TRAM1: variants seen among roughly 807,000 people sequenced by gnomAD.
The protein encoded by TRAM1 is translocating chain-associated membrane protein 1.
TRAM1 carries 17 observed loss-of-function variants against 48.7 expected under a neutral mutation model. The ratio of observed to expected loss-of-function variants is 0.35; its 90% CI spans 0.24 to 0.52. The LOEUF (loss-of-function observed/expected upper bound fraction) is 0.52, where lower values mean the gene tolerates loss of function less well. Among genes scored for constraint, TRAM1 ranks in the 20% least tolerant of loss-of-function variants. The probability of loss-of-function intolerance (pLI) is 0.94; values close to 1 mark genes in which losing one functional copy is unlikely to be tolerated. For synonymous variants in TRAM1, 182 were observed against 154.0 expected (o/e 1.18, Z -1.34); for missense variants, 351 against 441.5 (o/e 0.79, Z 1.84).
At chr8:70,579,379 T>G (rs1203641052) in intron 10 of TRAM1, among the ~76,000 whole-genome samples, 1 of 152,206 alleles carries the variant, frequency 6.6e-6, no homozygotes, top group East Asian at 1.9e-4. Flanking sequence ...ACCAGTGTCA[T>G]AAATGAGTCA....
In TRAM1 at chr8:70,573,625, CTT is replaced by C. The variant is rs1816868495; in HGVS notation, c.*1305_*1306del. The C allele has an allele frequency of 6.6e-6, 1 of 152,532 alleles. No homozygotes were observed. Among genetic ancestry groups the C allele is most frequent in the African/African-American group, 2.4e-5 (1 of 41,414 alleles). The allele number at this position is 152,532 out of a possible 1,614,324, so 9.4% of individuals were successfully genotyped here. A position where few individuals can be genotyped will look rare whatever the true frequency, so the allele number is the denominator to read the frequency against. On this transcript the variant is annotated 3_prime_UTR_variant, in exon 11 of 11. Transcript: ENST00000262213. ...GGACAATTTCCTAGCAGCATGGCAACTTAAACTGCAGATCTAATAGGTCTGCA... is the reference window on the plus strand; with the variant it reads ...GGACAATTTCCTAGCAGCATGGCAACAAACTGCAGATCTAATAGGTCTGCA...
chr8:70,577,570 T>G (rs1217907373), intron 10 of TRAM1, among the ~76,000 whole-genome samples: 1 of 152,220 alleles, frequency 6.6e-6, no homozygotes, highest in Non-Finnish European at 1.5e-5. Context: ...CTCTCTGCCT[T>G]GCTCACCCTC....
intron 1 of TRAM1, among the ~76,000 whole-genome samples, chr8:70,603,374 G>A (rs1468993540): frequency 6.6e-6 from 1 of 151,584 alleles, no homozygotes. Flanking sequence ...CCTGTTTCCA[G>A]TTTGTAATAT....
chr8:70,589,405 GTAT>G, intron 6 of TRAM1, among the ~76,000 whole-genome samples: 2 of 152,162 alleles, frequency 1.3e-5, no homozygotes, highest in Non-Finnish European at 2.9e-5. Context: ...AGCTCACTTA[GTAT>G]TATCAATGCA....
rs1232605970 is a variant in TRAM1 at position 70,598,692 on chromosome 8, T to G, written c.188-437A>C. ...GATGAAAAAGCTGATTTGACCTGTA[T>G]TTGATTTAGTTTTGATCTATAAGCA... On this transcript the variant is annotated intron_variant, in intron 2 of 10. Transcript: ENST00000262213. Among the ~76,000 whole-genome samples, 4 of 152,344 alleles carry G rather than the reference T, an allele frequency of 2.6e-5. No individual in the cohort carries two copies. In the East Asian group the frequency reaches 7.7e-4, roughly 29 times the overall value.
In TRAM1 at chr8:70,608,406, G is replaced by A. The variant is rs1817806719; in HGVS notation, c.-207C>T. ...AAAACACAACAGCTAGCCCGCAGCG[G>A]GGGCGAGCATGCGCACCAGGGAGAC... On this transcript the variant is annotated 5_prime_UTR_variant, in exon 1 of 11. Coordinates refer to ENST00000262213, the MANE Select transcript of TRAM1 (RefSeq NM_014294.6). 4.4e-6 allele frequency: 2 copies of A among 457,772 alleles called. No homozygotes were observed. Among genetic ancestry groups the A allele is most frequent in the East Asian group, 8.8e-5 (2 of 22,708 alleles). The allele number at this position is 457,772 out of a possible 1,614,324, so 28.4% of individuals were successfully genotyped here.
At chr8:70,590,617 G>A (rs1817332605) in intron 6 of TRAM1, among the ~76,000 whole-genome samples, 1 of 152,188 alleles carries the variant, frequency 6.6e-6, no homozygotes, top group Admixed American at 6.5e-5. Context: ...TGCTATCTCA[G>A]CCTCCTGAGT....
At chr8:70,607,583 CGGCACT>C in intron 1 of TRAM1, 1 of 733,872 alleles carries the variant, frequency 1.4e-6, no homozygotes, top group Non-Finnish European at 1.7e-6. Context: ...GTCTCCAGGC[CGGCACT>C]CCTCAGACCC....
chr8:70,595,038 G>GTTTTTTTTTTTT (rs11464494), intron 5 of TRAM1, among the ~76,000 whole-genome samples: 1 of 146,028 alleles, frequency 6.8e-6, no homozygotes, highest in Non-Finnish European at 1.5e-5. Flanking sequence ...AATATCCTCT[G>GTTTTTTTTTTTT]TTTTTTTTTT....
intron 1 of TRAM1, among the ~76,000 whole-genome samples, chr8:70,603,187 T>A (rs1817639866): frequency 6.6e-6 from 1 of 152,150 alleles, no homozygotes; most frequent in African/African-American, 2.4e-5. Flanking sequence ...TTATTTTTAG[T>A]AAAGTTGAGT....
rs961577278 is a variant in TRAM1 at position 70,608,275 on chromosome 8, G to A, written c.-76C>T. ...CCCAGCTGCTCACCGACTCGCCGCC[G>A]CCTCCCGCTGGCTGCTCCTCACGGC... is the stretch of plus-strand genomic sequence containing the variant. On this transcript the variant is annotated 5_prime_UTR_variant, in exon 1 of 11. Transcript: ENST00000262213. The A allele has an allele frequency of 5.4e-6, 8 of 1,472,438 alleles. No homozygotes were observed. Among genetic ancestry groups the A allele is most frequent in the African/African-American group, 4.4e-5 (3 of 68,504 alleles). The allele number at this position is 1,472,438 out of a possible 1,614,324, so 91.2% of individuals were successfully genotyped here.
chr8:70,604,452 G>A (rs922293988), intron 1 of TRAM1, among the ~76,000 whole-genome samples: 11 of 152,182 alleles, frequency 7.2e-5, no homozygotes, highest in African/African-American at 2.7e-4. Context: ...CAGGTGGCGA[G>A]AGGGGAGGAT....
intron 2 of TRAM1, among the ~76,000 whole-genome samples, chr8:70,599,340 A>T (rs1175760296): frequency 5.3e-5 from 8 of 152,198 alleles, no homozygotes; most frequent in Non-Finnish European, 1.2e-4. Context: ...ATTATCTTAC[A>T]TTCTAAATAA....
intron 10 of TRAM1, among the ~76,000 whole-genome samples, chr8:70,576,549 CAG>C (rs1816956816): frequency 6.6e-6 from 1 of 152,188 alleles, no homozygotes; most frequent in African/African-American, 2.4e-5. Context: ...GACTAAGAAA[CAG>C]AAAATGTGAA....
intron 4 of TRAM1, among the ~76,000 whole-genome samples, chr8:70,597,513 T>C (rs1817513905): frequency 1.3e-5 from 2 of 151,512 alleles, no homozygotes; most frequent in South Asian, 4.2e-4. Flanking sequence ...CTACTAAAAA[T>C]ACAAAAATTA....
chr8:70,603,585 C>T lies in TRAM1; in HGVS notation c.124-3503G>A, dbSNP rs192736472. 1.5e-3 allele frequency among the ~76,000 whole-genome samples: 231 copies of T among 152,200 alleles called. 2 individuals carry two copies. The highest frequency in any genetic ancestry group is 5.4e-3 in the African/African-American group (223 of 41,522). ...TACAAAAATTAGCTGGGCATCGTGG[C>T]GGGAGCCTGTAATCCCAGCTACTCA... is the stretch of plus-strand genomic sequence containing the variant. On this transcript the variant is annotated intron_variant, in intron 1 of 10. Coordinates refer to ENST00000262213, the MANE Select transcript of TRAM1 (RefSeq NM_014294.6).
rs1563394277 is a variant in TRAM1 at position 70,608,209 on chromosome 8, G to A, written c.-10C>T. 1.3e-6 allele frequency: 2 copies of A among 1,582,426 alleles called. No individual in the cohort carries two copies. Among genetic ancestry groups the A allele is most frequent in the East Asian group, 2.5e-5 (1 of 40,808 alleles). ...TCTTGCGAATCGCCATGGTGGGGCC[G>A]CCGCCCGCGCCTGCAGGTGCTCCGC... On this transcript the variant is annotated 5_prime_UTR_variant, in exon 1 of 11. Transcript: ENST00000262213.
In TRAM1 at chr8:70,596,239, A is replaced by G. The variant is rs1563388342; in HGVS notation, c.485+24T>C. 5.1e-6 allele frequency: 8 copies of G among 1,556,618 alleles called. No individual in the cohort carries two copies. In the South Asian group the frequency reaches 6.2e-5, roughly 12 times the overall value. On this transcript the variant is annotated intron_variant, in intron 5 of 10. Transcript: ENST00000262213. Reference sequence around the variant, plus strand: ...GACATGACCATGGTCCTTAACAAAGAAAGGGCTGCTAAAAATGACTTACGT... The same window carrying G: ...GACATGACCATGGTCCTTAACAAAGGAAGGGCTGCTAAAAATGACTTACGT...
chr8:70,608,051 G>A, intron 1 of TRAM1, 26 bp downstream of exon 1: 1 of 1,571,350 alleles, frequency 6.4e-7, no homozygotes, highest in Non-Finnish European at 8.6e-7. Flanking sequence ...GGCGGGGCAG[G>A]CGGTTGGGAC....
Sources: allele counts gnomAD v4.1 joint callset (sites outside exome capture counted in the v4.1 genomes callset), GRCh38; gene constraint gnomAD v4.1.1; transcripts MANE v1.5; gene names NCBI Gene and HGNC (gene_info 2026-07-23, HGNC 2026-07-21).